The following CES2 variants were observed in gnomAD, a reference collection of about 807,000 sequenced individuals.
CES2 encodes carboxylesterase 2.
CES2 carries 42 observed loss-of-function variants against 52.1 expected under a neutral mutation model. The ratio of observed to expected loss-of-function variants is 0.81; its 90% confidence interval spans 0.63 to 1.04. The LOEUF is 1.04. Among genes scored for constraint, CES2 ranks in the 50% least tolerant of loss-of-function variants. CES2 has a pLI of 0.00. For missense variants in CES2, 656 were observed against 724.3 expected, an observed-to-expected ratio of 0.91 and a Z score of 1.08; for synonymous variants, 277 against 289.6, an observed-to-expected ratio of 0.96 and a Z score of 0.44.
In CES2 at chr16:66,942,758, T is replaced by C; in HGVS notation, c.1393T>C (p.Phe465Leu). The C allele has an allele frequency of 6.2e-7, 1 of 1,614,236 alleles. No homozygotes were observed. The highest frequency in any genetic ancestry group is 8.5e-7 in the Non-Finnish European group (1 of 1,180,040). The change falls in exon 10 of 12, where the codon TTC becomes CTC. Residue 465 changes from phenylalanine to leucine, a missense_variant. Phe to Leu is a conservative substitution (Grantham distance 22). Coordinates refer to ENST00000317091, the MANE Select transcript of CES2 (RefSeq NM_001365405.1). ...CCATGGTGATGAGCTTCCTTTTGTT[T>C]TCAGAAGTTTCTTTGGGGGCAACTA... ...ADHGDELPFV[F>L]RSFFGGNYIK...
At chr16:66,935,341 G>A, upstream of CES2, 1 of 1,268,944 alleles carries the variant, frequency 7.9e-7, no homozygotes, top group Non-Finnish European at 1.1e-6. Flanking sequence ...GATCGCGGAA[G>A]GGCTGCAGGA....
chr16:66,941,951 T>A (rs977208621), intron 8 of CES2, 103 bp downstream of exon 8: 1 of 1,555,376 alleles, frequency 6.4e-7, no homozygotes, highest in Admixed American at 1.7e-5. Flanking sequence ...GTGACCCCCA[T>A]GAGCAAAGGC....
intron 5 of CES2, 43 bp from the exon 6 acceptor site, chr16:66,941,081 C>T (rs775013777): frequency 6.2e-7 from 1 of 1,611,664 alleles, no homozygotes; most frequent in East Asian, 2.2e-5. Flanking sequence ...CTCCTCTCCT[C>T]TACCTGGAAG....
chr16:66,935,522 G>A lies in CES2; in HGVS notation c.-114G>A. Reference sequence around the variant, plus strand: ...GCGCACCCCGCTGACTCCCTGCCCAGTCCAAACTCCAAGGCTGGGCAAGGC... The same window carrying A: ...GCGCACCCCGCTGACTCCCTGCCCAATCCAAACTCCAAGGCTGGGCAAGGC... On this transcript the variant is annotated 5_prime_UTR_variant, in exon 1 of 12. Coordinates refer to ENST00000317091, the MANE Select transcript of CES2 (RefSeq NM_001365405.1). 1 of 1,614,192 alleles carries A rather than the reference G, an allele frequency of 6.2e-7. No individual in the cohort carries two copies. The highest frequency in any genetic ancestry group is 2.2e-5 in the East Asian group (1 of 44,876).
At position 66,935,793 on chromosome 16, in the gene CES2, G is replaced by A. The variant is rs774786032; in HGVS notation, c.76+82G>A. The A allele has an allele frequency of 2.6e-5, 42 of 1,593,510 alleles. No homozygotes were observed. The Admixed American group carries it at 6.7e-4, about 25-fold the overall frequency. On this transcript the variant is annotated intron_variant, in intron 1 of 11. Transcript: ENST00000317091. ...GAGGCAGAACCTGACAGTGCGGGAG[G>A]GCAGGCGCCTGGGAGGTAGGAGCTG... is the stretch of plus-strand genomic sequence containing the variant.
At chr16:66,941,346 G>GGGTC (rs1963358601) in intron 6 of CES2, 124 bp downstream of exon 6, 2 of 1,520,652 alleles carry the variant, frequency 1.3e-6, no homozygotes, top group Admixed American at 4.0e-5. Context: ...TCATAGCCCT[G>GGGTC]GGTCGGGACT....
Position 66,941,132 on chromosome 16 carries a change from C to T in CES2, c.825C>T (p.Ala275=). 6.2e-7 allele frequency: 1 copy of T among 1,613,918 alleles called. No individual in the cohort carries two copies. ...SSADVISTVV[A]NLSACDQVDS... is the part of the protein sequence containing the mutation. ...GCCTGGTCCCTTTACAGGTGGTGGC[C>T]AACCTGTCTGCCTGTGACCAAGTTG... Residue 275 remains alanine (A), a synonymous_variant, in exon 6 of 12, where the codon GCC becomes GCT. Coordinates refer to ENST00000317091, the MANE Select transcript of CES2 (RefSeq NM_001365405.1).
rs199890794 is a variant in CES2 at position 66,941,721 on chromosome 16, C to T, written c.1057-47C>T. ...GGGGGGTGTTCAGGGCTTCATAGCT[C>T]CAGGCTCATCCCATCCCCAGCTACA... On this transcript the variant is annotated intron_variant, in intron 7 of 11. Coordinates refer to ENST00000317091, the MANE Select transcript of CES2 (RefSeq NM_001365405.1). 1.7e-5 allele frequency: 27 copies of T among 1,613,908 alleles called. No individual in the cohort carries two copies. The African/African-American group carries it at 3.6e-4, about 22-fold the overall frequency.
chr16:66,940,180 G>A, intron 3 of CES2, 42 bp from the exon 4 acceptor site: 1 of 1,607,956 alleles, frequency 6.2e-7, no homozygotes, highest in African/African-American at 1.3e-5. Flanking sequence ...GTGGGGTTTG[G>A]GCTGGGTGGG....
chr16:66,942,643 C>T lies in CES2; in HGVS notation c.1283-5C>T. 1 of 1,614,166 alleles carries T rather than the reference C, an allele frequency of 6.2e-7. No homozygotes were observed. Among genetic ancestry groups the T allele is most frequent in the Non-Finnish European group, 8.5e-7 (1 of 1,180,032 alleles). On this transcript the variant is annotated splice_polypyrimidine_tract_variant and splice_region_variant and intron_variant, in intron 9 of 11. Coordinates refer to ENST00000317091, the MANE Select transcript of CES2 (RefSeq NM_001365405.1). ...CCACCGTGTCATGGGCTGTCCACCC[C>T]ACAGGTTCCCGGGCCCCTGTGTACT...
intron 3 of CES2, 123 bp from the exon 4 acceptor site, chr16:66,940,099 G>T: frequency 7.3e-7 from 1 of 1,369,848 alleles, no homozygotes; most frequent in Non-Finnish European, 1.0e-6. Context: ...CCCATGTAAT[G>T]AATTTGTGCT....
intron 1 of CES2, among the ~76,000 whole-genome samples, 177 bp from the exon 2 acceptor site, chr16:66,937,860 G>A (rs1963251324): frequency 6.6e-6 from 1 of 152,212 alleles, no homozygotes; most frequent in Admixed American, 6.5e-5. Context: ...GATGGAGACA[G>A]GCCCAGGAAG....
At chr16:66,938,958 G>A (rs1189578718) in intron 2 of CES2, among the ~76,000 whole-genome samples, 1 of 152,164 alleles carries the variant, frequency 6.6e-6, no homozygotes, top group Non-Finnish European at 1.5e-5. Flanking sequence ...AAACCCCTAA[G>A]AGTCAAGGTT....
chr16:66,939,475 A>G, intron 3 of CES2, 117 bp downstream of exon 3: 2 of 1,135,582 alleles, frequency 1.8e-6, no homozygotes, highest in South Asian at 2.7e-5. Flanking sequence ...GAAGCTTCTC[A>G]CTGTCAGGTC....
Position 66,940,311 on chromosome 16 carries a change from G to A in CES2, c.513G>A (p.Val171=), listed in dbSNP as rs760754527. Residue 171 remains valine (V), a synonymous_variant, in exon 4 of 12, where the codon GTG becomes GTA. Transcript: ENST00000317091. The part of the protein sequence containing the change: ...GSMLAALENV[V]VVIIQYRLGV... ...TGCTGGCTGCCTTGGAGAACGTGGT[G>A]GTGGTCATCATCCAGTACCGCCTGG... The A allele has an allele frequency of 1.2e-6, 2 of 1,614,148 alleles. No homozygotes were observed. The highest frequency in any genetic ancestry group is 1.7e-6 in the Non-Finnish European group (2 of 1,180,032).
upstream of CES2, chr16:66,934,543 C>T (rs1248270403): frequency 4.2e-5 from 39 of 929,516 alleles, no homozygotes; most frequent in South Asian, 8.9e-5. The surrounding 1 kb of genome is among the most constrained non-coding windows in gnomAD (Gnocchi z 4.1). Context: ...TGCTCGGACC[C>T]GGGAACATGA....
chr16:66,941,437 A>G, intron 6 of CES2, 69 bp from the exon 7 acceptor site: 1 of 1,576,786 alleles, frequency 6.3e-7, no homozygotes, highest in Non-Finnish European at 8.7e-7. Context: ...AAGGAGTGGA[A>G]GGTACTCAGA....
rs1963414740 is a variant in CES2, at chr16:66,943,579, CG to C, written c.1493+209del. ...CTCTCCAGTCTACCTGGAGGGTGGG[CG>C]CCAGTGCTGTGCCACCGTCAGGGCC... On this transcript the variant is annotated intron_variant, in intron 11 of 11. Transcript: ENST00000317091. The surrounding 1 kb of genome is among the most constrained non-coding windows in gnomAD (Gnocchi z 4.2). 1 of 606,544 alleles carries C rather than the reference CG, an allele frequency of 1.6e-6. No individual in the cohort carries two copies. The highest frequency in any genetic ancestry group is 2.9e-6 in the Non-Finnish European group (1 of 347,968). The allele number at this position is 606,544 out of a possible 1,614,324, so 37.6% of individuals were successfully genotyped here.
At chr16:66,940,769 C>T (rs1053038916) in intron 5 of CES2, 74 bp downstream of exon 5, 16 of 1,539,014 alleles carry the variant, frequency 1.0e-5, no homozygotes, top group African/African-American at 5.5e-5. Context: ...GTCTGTTAAA[C>T]GGGGATGACA....
Sources: gnomAD v4.1 joint callset for allele counts (sites outside exome capture counted in the v4.1 genomes callset) on GRCh38, gnomAD v4.1.1 for gene constraint, Gnocchi (gnomAD v3.1) non-coding constraint, MANE v1.5 for transcripts, NCBI Gene and HGNC (gene_info 2026-07-23, HGNC 2026-07-21) for gene names.